LOC128462377: variants seen among roughly 807,000 people sequenced by gnomAD.
the LOC128462377 span, among the ~76,000 whole-genome samples, chr16:89,415,151 G>A: frequency 2.0e-5 from 3 of 151,146 alleles, no homozygotes; most frequent in South Asian, 2.1e-4. Flanking sequence ...ATGCGGTCTC[G>A]TCATGTTACT....
At chr16:89,369,092 A>G in the LOC128462377 span, among the ~76,000 whole-genome samples, 2 of 152,078 alleles carry the variant, frequency 1.3e-5, no homozygotes, top group Non-Finnish European at 1.5e-5. Context: ...CAATGATCAC[A>G]TCACTACCAA....
chr16:89,388,919 A>G, the LOC128462377 span, among the ~76,000 whole-genome samples: 1 of 152,260 alleles, frequency 6.6e-6, no homozygotes, highest in African/African-American at 2.4e-5. Context: ...CCAAGGAACT[A>G]TGTGGATCCC....
the LOC128462377 span, among the ~76,000 whole-genome samples, chr16:89,374,655 A>C: frequency 6.6e-6 from 1 of 152,242 alleles, no homozygotes; most frequent in South Asian, 2.1e-4. Context: ...TGCTACGATC[A>C]GAGGAGAAAA....
At chr16:89,386,401 C>T in the LOC128462377 span, among the ~76,000 whole-genome samples, 1 of 152,178 alleles carries the variant, frequency 6.6e-6, no homozygotes, top group East Asian at 1.9e-4. Context: ...TGCTGCCCCA[C>T]CCTTTACCCA....
At chr16:89,399,564 C>G in the LOC128462377 span, among the ~76,000 whole-genome samples, 1 of 152,152 alleles carries the variant, frequency 6.6e-6, no homozygotes, top group South Asian at 2.1e-4. Flanking sequence ...TGAAACTACT[C>G]TGTATGATAC....
the LOC128462377 span, among the ~76,000 whole-genome samples, chr16:89,384,565 C>G: frequency 7.0e-6 from 1 of 142,592 alleles, no homozygotes; most frequent in Non-Finnish European, 1.6e-5. Context: ...GGGAATGGGA[C>G]AGGATGGGAC....
the LOC128462377 span, among the ~76,000 whole-genome samples, chr16:89,326,852 G>A: frequency 6.6e-6 from 1 of 152,234 alleles, no homozygotes; most frequent in African/African-American, 2.4e-5. Flanking sequence ...CACAAAGCCT[G>A]CCCGCCAGGG....
At chr16:89,324,349 A>G in the LOC128462377 span, 1,021 of 1,086,882 alleles carry the variant, frequency 9.4e-4, 11 homozygotes, top group African/African-American at 0.015. Flanking sequence ...GCCTCACAGA[A>G]GAGGGAAAAA....
the LOC128462377 span, among the ~76,000 whole-genome samples, chr16:89,381,354 A>AAAAAAAAAAAAAAAAAAAAAAAAAAAG: frequency 1.6e-5 from 2 of 125,336 alleles, no homozygotes; most frequent in African/African-American, 6.6e-5. Context: ...AAAAAAAAAA[A>AAAAAAAAAAAAAAAAAAAAAAAAAAAG]GGGGTGAGAA....
At chr16:89,382,887 C>A in the LOC128462377 span, among the ~76,000 whole-genome samples, 4 of 152,186 alleles carry the variant, frequency 2.6e-5, no homozygotes, top group Admixed American at 1.3e-4. Context: ...GTTGCCCAGG[C>A]TGGAGTGCAG....
At chr16:89,346,250 GAAAAAAAA>G in the LOC128462377 span, among the ~76,000 whole-genome samples, 1 of 96,880 alleles carries the variant, frequency 1.0e-5, no homozygotes. Context: ...CCCGTCTCAG[GAAAAAAAA>G]AAAAAAAAAA....
chr16:89,326,511 A>G, the LOC128462377 span, among the ~76,000 whole-genome samples: 1 of 152,116 alleles, frequency 6.6e-6, no homozygotes, highest in Non-Finnish European at 1.5e-5. Context: ...TCAGGAGGCC[A>G]AGGCAGGGGG....
At chr16:89,413,087 C>A in the LOC128462377 span, among the ~76,000 whole-genome samples, 4 of 152,130 alleles carry the variant, frequency 2.6e-5, no homozygotes, top group African/African-American at 9.7e-5. Flanking sequence ...TAGGAGGGGG[C>A]GCCGCTCAGC....
chr16:89,323,881 C>A, the LOC128462377 span: 5 of 217,330 alleles, frequency 2.3e-5, no homozygotes, highest in Middle Eastern at 5.2e-3. Flanking sequence ...ACCCCATAAG[C>A]CACACTGGCC....
the LOC128462377 span, among the ~76,000 whole-genome samples, chr16:89,371,219 C>G: frequency 6.6e-6 from 1 of 152,224 alleles, no homozygotes; most frequent in African/African-American, 2.4e-5. Context: ...CCTCCCAACA[C>G]TTTCGCAAAT....
chr16:89,415,829 C>CAAAAA, the LOC128462377 span, among the ~76,000 whole-genome samples: 580 of 39,696 alleles, frequency 0.015, 35 homozygotes, highest in Non-Finnish European at 0.019. Context: ...GACTCTGTCT[C>CAAAAA]AAAAAAAAAA....
At chr16:89,386,566 T>A in the LOC128462377 span, among the ~76,000 whole-genome samples, 1 of 152,162 alleles carries the variant, frequency 6.6e-6, no homozygotes, top group South Asian at 2.1e-4. Context: ...CGACCTTGCA[T>A]CCTGCAAGAT....
the LOC128462377 span, among the ~76,000 whole-genome samples, chr16:89,321,740 T>G: frequency 6.6e-6 from 1 of 151,974 alleles, no homozygotes; most frequent in African/African-American, 2.4e-5. Context: ...AAATTCACCT[T>G]CAATAAAGGG....
the LOC128462377 span, among the ~76,000 whole-genome samples, chr16:89,399,353 G>A: frequency 6.6e-6 from 1 of 152,066 alleles, no homozygotes; most frequent in Non-Finnish European, 1.5e-5. Flanking sequence ...ACCAGGCCCT[G>A]AAAAGACAAA....
Sources: gnomAD v4.1 joint callset for allele counts (sites outside exome capture counted in the v4.1 genomes callset) on GRCh38, gnomAD v4.1.1 for gene constraint, MANE v1.5 for transcripts.